CCDC171: variants seen among roughly 807,000 people sequenced by gnomAD.
CCDC171 encodes coiled-coil domain containing 171.
CCDC171 carries 177 observed loss-of-function variants against 168.2 expected under a neutral mutation model. The ratio of observed to expected loss-of-function variants is 1.05; its 90% CI spans 0.93 to 1.19. CCDC171 has a LOEUF of 1.19. CCDC171 is among the 50% of genes most tolerant of loss of function. CCDC171 has a pLI of 0.00. For missense variants in CCDC171, 1,991 were observed against 1,539.0 expected (o/e 1.29, Z -4.91); for synonymous variants, 687 against 540.8 (o/e 1.27, Z -3.75).
intron 1 of CCDC171, among the ~76,000 whole-genome samples, chr9:16,043,575 G>A (rs767320176): frequency 5.3e-5 from 8 of 152,282 alleles, no homozygotes; most frequent in Non-Finnish European, 1.0e-4. Context: ...CCTGCATGAA[G>A]TGGGCTCAGC....
chr9:15,633,770 A>G (rs547433626), intron 7 of CCDC171, among the ~76,000 whole-genome samples: 1 of 152,350 alleles, frequency 6.6e-6, no homozygotes, highest in African/African-American at 2.4e-5. Context: ...ACTTGGAACC[A>G]ACCCAAATGT....
chr9:16,006,625 C>T (rs1832704177), intron 3 of CCDC171, among the ~76,000 whole-genome samples: 1 of 149,382 alleles, frequency 6.7e-6, no homozygotes, highest in Non-Finnish European at 1.5e-5. Flanking sequence ...TGTTCCCCTT[C>T]CTGTGTCCAT....
chr9:15,935,837 AAAG>A (rs1827049044), intron 25 of CCDC171, among the ~76,000 whole-genome samples: 1 of 152,104 alleles, frequency 6.6e-6, no homozygotes, highest in Admixed American at 6.6e-5. Flanking sequence ...CTATAAGGCA[AAAG>A]CCTTAGTTAA....
chr9:15,996,894 T>C (rs998349114), intron 3 of CCDC171, among the ~76,000 whole-genome samples: 13 of 152,280 alleles, frequency 8.5e-5, no homozygotes, highest in Admixed American at 2.6e-4. Flanking sequence ...TAAGAACAGA[T>C]ACATCATGCA....
At chr9:15,751,701 G>C (rs1207998956) in intron 18 of CCDC171, among the ~76,000 whole-genome samples, 1 of 152,164 alleles carries the variant, frequency 6.6e-6, no homozygotes, top group Non-Finnish European at 1.5e-5. Context: ...AAACTGGCTA[G>C]TCATATGTAG....
At chr9:15,955,826 T>C (rs1014859273) in intron 25 of CCDC171, among the ~76,000 whole-genome samples, 1 of 152,170 alleles carries the variant, frequency 6.6e-6, no homozygotes, top group Non-Finnish European at 1.5e-5. Flanking sequence ...CAGGGACTTA[T>C]AGCTTTAGTG....
chr9:15,992,038 C>A (rs1197926021), intron 3 of CCDC171, among the ~76,000 whole-genome samples: 3 of 152,292 alleles, frequency 2.0e-5, no homozygotes, highest in Admixed American at 6.5e-5. Flanking sequence ...GAAACTATTT[C>A]AATCAGTAGA....
chr9:15,840,667 T>G (rs753807747), intron 21 of CCDC171, among the ~76,000 whole-genome samples: 6 of 152,186 alleles, frequency 3.9e-5, no homozygotes, highest in Non-Finnish European at 4.4e-5. Context: ...GTCACATTAC[T>G]GCTTACATGT....
chr9:15,747,486 C>T (rs753689310), intron 18 of CCDC171, among the ~76,000 whole-genome samples: 3 of 152,210 alleles, frequency 2.0e-5, no homozygotes, highest in Non-Finnish European at 4.4e-5. Context: ...CCAACAGACA[C>T]CTCTTACAGG....
intron 6 of CCDC171, among the ~76,000 whole-genome samples, chr9:15,603,439 G>C (rs1403112352): frequency 1.3e-5 from 2 of 152,058 alleles, no homozygotes; most frequent in Non-Finnish European, 2.9e-5. Flanking sequence ...AGTGTGTGTT[G>C]TTCCCCTCCC....
chr9:15,625,517 T>A (rs549568327), intron 7 of CCDC171, among the ~76,000 whole-genome samples: 3 of 152,196 alleles, frequency 2.0e-5, no homozygotes, highest in South Asian at 4.1e-4. Flanking sequence ...AGGGATCCAG[T>A]TTCAGCTTTC....
the CCDC171 span, among the ~76,000 whole-genome samples, chr9:16,094,090 T>C: frequency 6.6e-6 from 1 of 152,166 alleles, no homozygotes; most frequent in South Asian, 2.1e-4. Flanking sequence ...GGTTGGACGA[T>C]AAGCAGTGTG....
chr9:16,019,553 G>T (rs1833107908), intron 3 of CCDC171, among the ~76,000 whole-genome samples: 1 of 151,106 alleles, frequency 6.6e-6, no homozygotes, highest in South Asian at 2.1e-4. Context: ...GATAAGGGGT[G>T]GTGGGGGTGA....
chr9:15,853,301 G>A, intron 23 of CCDC171, among the ~76,000 whole-genome samples: 1 of 151,594 alleles, frequency 6.6e-6, no homozygotes. Flanking sequence ...CATCTTCTTG[G>A]TTAAGTTTAT....
intron 7 of CCDC171, among the ~76,000 whole-genome samples, chr9:15,634,418 G>T (rs1313112338): frequency 1.3e-5 from 2 of 152,098 alleles, no homozygotes; most frequent in African/African-American, 4.8e-5. Context: ...GAAGAATCTG[G>T]TTATGATGCT....
chr9:15,716,382 G>C (rs776314264), intron 11 of CCDC171, among the ~76,000 whole-genome samples: 2 of 151,696 alleles, frequency 1.3e-5, no homozygotes, highest in African/African-American at 2.4e-5. Context: ...ATTGTTTTTC[G>C]GGCCATACTG....
chr9:15,595,394 T>C lies in CCDC171; in HGVS notation c.675+1222T>C, dbSNP rs60748098. Reference sequence around the variant, plus strand: ...ATTCCCACCTATGAGTGAGAACATGTGGTGTTTGGTTTTTTCTCCTTGCGA... The same window carrying C: ...ATTCCCACCTATGAGTGAGAACATGCGGTGTTTGGTTTTTTCTCCTTGCGA... On this transcript the variant is annotated intron_variant, in intron 6 of 25. Transcript: ENST00000380701. Among the ~76,000 whole-genome samples the C allele has an allele frequency of 7.1e-3, 1,077 of 152,126 alleles. 11 individuals carry two copies. Among genetic ancestry groups the C allele is most frequent in the African/African-American group, 0.025 (1,047 of 41,460 alleles).
At chr9:16,038,866 C>CAA (rs375463651), upstream of CCDC171, among the ~76,000 whole-genome samples, 39 of 50,392 alleles carry the variant, frequency 7.7e-4, 2 homozygotes, top group Non-Finnish European at 1.1e-3. Flanking sequence ...CCTATCAGGC[C>CAA]AAAAAAAAAA....
At chr9:15,922,822 T>A (rs1589137606) in intron 25 of CCDC171, among the ~76,000 whole-genome samples, 1 of 151,690 alleles carries the variant, frequency 6.6e-6, no homozygotes, top group African/African-American at 2.4e-5. Flanking sequence ...AGATTAGTGA[T>A]ATTGAGCATT....
Sources: allele counts gnomAD v4.1 joint callset (sites outside exome capture counted in the v4.1 genomes callset), GRCh38; gene constraint gnomAD v4.1.1; transcripts MANE v1.5; gene names NCBI Gene and HGNC (gene_info 2026-07-23, HGNC 2026-07-21).